GPC6: variants seen among roughly 807,000 people sequenced by gnomAD.
The protein encoded by GPC6 is glypican-6.
GPC6 carries 14 observed loss-of-function variants against 55.2 expected under a neutral mutation model. That is an observed-to-expected ratio of 0.25 (90% CI 0.17 to 0.40). GPC6 has a LOEUF of 0.40. Among genes scored for constraint, GPC6 ranks in the 10% least tolerant of loss-of-function variants. GPC6 has a pLI of 1.00. For missense variants in GPC6, 641 were observed against 708.5 expected (o/e 0.90, Z 1.08); for synonymous variants, 278 against 259.6 (o/e 1.07, Z -0.68).
At chr13:94,055,609 T>C (rs1015839954) in intron 4 of GPC6, among the ~76,000 whole-genome samples, 10 of 152,160 alleles carry the variant, frequency 6.6e-5, no homozygotes. Context: ...ACCAAATTAA[T>C]GGGTACACTT....
rs1282596374 is a variant in GPC6 at position 93,649,877 on chromosome 13, A to G, written c.319+104456A>G. The stretch of plus-strand genomic sequence containing the variant: ...TTTAAATATCCAAGGTCTTTTGTAA[A>G]TTTATTTCACAGTACATTCTGTGGT... On this transcript the variant is annotated intron_variant, in intron 2 of 8. Coordinates refer to ENST00000377047, the MANE Select transcript of GPC6 (RefSeq NM_005708.5). Among the ~76,000 whole-genome samples, 4 of 152,134 alleles carry G rather than the reference A, an allele frequency of 2.6e-5. No homozygotes were observed. The East Asian group carries it at 7.7e-4, about 29-fold the overall frequency.
At chr13:94,298,835 T>G (rs143274504) in intron 5 of GPC6, among the ~76,000 whole-genome samples, 152 of 152,366 alleles carry the variant, frequency 1.0e-3, no homozygotes, top group African/African-American at 3.5e-3. Flanking sequence ...TCAACCTTGA[T>G]TTTGAAGAGA....
At chr13:93,970,450 C>T (rs1444922513) in intron 3 of GPC6, among the ~76,000 whole-genome samples, 1 of 152,088 alleles carries the variant, frequency 6.6e-6, no homozygotes, top group Non-Finnish European at 1.5e-5. Flanking sequence ...AGGTGGCCAA[C>T]TGCATCTAAG....
chr13:94,061,075 A>G (rs964256780), intron 4 of GPC6, among the ~76,000 whole-genome samples: 4 of 152,222 alleles, frequency 2.6e-5, no homozygotes, highest in Non-Finnish European at 5.9e-5. Context: ...CTGCAGGTAC[A>G]ATAAAGTGAA....
chr13:93,406,769 A>G (rs1452441383), intron 1 of GPC6, among the ~76,000 whole-genome samples: 1 of 152,192 alleles, frequency 6.6e-6, no homozygotes, highest in Non-Finnish European at 1.5e-5. Flanking sequence ...TGCAACTCCC[A>G]TGTACCATTC....
At chr13:93,995,978 CTT>C (rs1881533924) in intron 3 of GPC6, among the ~76,000 whole-genome samples, 1 of 152,076 alleles carries the variant, frequency 6.6e-6, no homozygotes, top group South Asian at 2.1e-4. Context: ...CCTAAGAAAA[CTT>C]ACATTGTTTC....
chr13:93,761,910 T>C (rs1296954650), intron 2 of GPC6, among the ~76,000 whole-genome samples: 1 of 152,166 alleles, frequency 6.6e-6, no homozygotes, highest in Non-Finnish European at 1.5e-5. Context: ...TTTGGAAATA[T>C]ACATTATTAT....
At chr13:93,828,052 G>A (rs1887330754) in intron 2 of GPC6, among the ~76,000 whole-genome samples, 1 of 150,750 alleles carries the variant, frequency 6.6e-6, no homozygotes, top group Admixed American at 6.6e-5. Context: ...TGCAAATCCA[G>A]ACCACACTAT....
At chr13:93,874,057 A>G (rs369667885) in intron 3 of GPC6, among the ~76,000 whole-genome samples, 1 of 151,918 alleles carries the variant, frequency 6.6e-6, no homozygotes, top group African/African-American at 2.4e-5. Context: ...CAGATTTTAA[A>G]AAGCTTTTAT....
chr13:94,057,886 C>T (rs1471802000), intron 4 of GPC6, among the ~76,000 whole-genome samples: 3 of 152,144 alleles, frequency 2.0e-5, no homozygotes, highest in African/African-American at 4.8e-5. Flanking sequence ...AGGAAACATG[C>T]TGTATTCAAA....
chr13:93,600,129 T>C (rs1240241866), intron 2 of GPC6, among the ~76,000 whole-genome samples: 1 of 152,234 alleles, frequency 6.6e-6, no homozygotes, highest in Non-Finnish European at 1.5e-5. Flanking sequence ...CCATCTACTA[T>C]GTAACTTATA....
At chr13:94,172,430 G>A (rs1427516611) in intron 4 of GPC6, among the ~76,000 whole-genome samples, 2 of 152,088 alleles carry the variant, frequency 1.3e-5, no homozygotes, top group Non-Finnish European at 2.9e-5. Flanking sequence ...AATGTTTAAA[G>A]ATAATGAAAA....
At chr13:94,292,201 C>A (rs753304073) in intron 5 of GPC6, among the ~76,000 whole-genome samples, 5 of 152,150 alleles carry the variant, frequency 3.3e-5, no homozygotes, top group African/African-American at 1.2e-4. Flanking sequence ...CAAGGTCTCA[C>A]GGTGCAAAGG....
intron 2 of GPC6, among the ~76,000 whole-genome samples, chr13:93,666,839 T>C (rs922152954): frequency 5.9e-5 from 9 of 152,284 alleles, no homozygotes; most frequent in African/African-American, 1.9e-4. Flanking sequence ...GCCAGCACAT[T>C]ATGGTTTATG....
At chr13:94,327,244 G>A (rs1308315012) in intron 6 of GPC6, among the ~76,000 whole-genome samples, 3 of 152,188 alleles carry the variant, frequency 2.0e-5, no homozygotes, top group Non-Finnish European at 4.4e-5. Context: ...TTGTAAAAGT[G>A]CTTTTCCCCC....
At chr13:94,245,899 C>T (rs1891181374) in intron 4 of GPC6, among the ~76,000 whole-genome samples, 1 of 152,112 alleles carries the variant, frequency 6.6e-6, no homozygotes, top group Non-Finnish European at 1.5e-5. Flanking sequence ...ATTGCTACAA[C>T]ATATGATAAT....
chr13:94,296,796 C>T (rs2139099484), intron 5 of GPC6, among the ~76,000 whole-genome samples: 1 of 152,264 alleles, frequency 6.6e-6, no homozygotes, highest in African/African-American at 2.4e-5. Context: ...GTAGAACACC[C>T]TGATGTAACA....
Position 93,315,681 on chromosome 13 carries a change from A to T in GPC6, c.160+88065A>T, listed in dbSNP as rs1879222969. Among the ~76,000 whole-genome samples, 7 of 151,892 alleles carry T rather than the reference A, an allele frequency of 4.6e-5. 1 individual carries two copies. In the South Asian group the frequency reaches 1.4e-3, roughly 31 times the overall value. Reference sequence around the variant, plus strand: ...TAAGATTGGTTGTTGTGAAGTTTTAAAAATGTGTATGCTTTTATTTTAAGA... The same window carrying T: ...TAAGATTGGTTGTTGTGAAGTTTTATAAATGTGTATGCTTTTATTTTAAGA... On this transcript the variant is annotated intron_variant, in intron 1 of 8. Transcript: ENST00000377047.
At chr13:93,953,737 A>G (rs972575542) in intron 3 of GPC6, among the ~76,000 whole-genome samples, 15 of 152,210 alleles carry the variant, frequency 9.9e-5, no homozygotes, top group African/African-American at 3.6e-4. Context: ...AGTAACTGGA[A>G]AACATCTTCT....
Sources: allele counts gnomAD v4.1 joint callset (sites outside exome capture counted in the v4.1 genomes callset), GRCh38; gene constraint gnomAD v4.1.1; transcripts MANE v1.5; gene names NCBI Gene and HGNC (gene_info 2026-07-23, HGNC 2026-07-21).